CDK14: variants seen among roughly 807,000 people sequenced by gnomAD.
CDK14 encodes cyclin-dependent kinase 14.
A neutral mutation model predicts 60.7 loss-of-function variants in CDK14; 34 were observed. The observed-to-expected ratio is 0.56, with a 90% CI of 0.43 to 0.75. The LOEUF is 0.75. CDK14 is among the 30% of genes least tolerant of loss of function. CDK14 has a pLI of 0.00. For synonymous variants in CDK14, 197 were observed against 203.7 expected (o/e 0.97, Z 0.28); for missense variants, 482 against 564.1 (o/e 0.85, Z 1.47).
chr7:90,975,431 G>A (rs1476493039), intron 9 of CDK14, among the ~76,000 whole-genome samples: 1 of 151,516 alleles, frequency 6.6e-6, no homozygotes, highest in Non-Finnish European at 1.5e-5. Context: ...ATCAGATCAG[G>A]GTAATTAGCC....
In CDK14 at chr7:91,177,043, T is replaced by C. The variant is rs1259356868; in HGVS notation, c.*29-30122T>C. 2.7e-5 allele frequency among the ~76,000 whole-genome samples: 4 copies of C among 149,462 alleles called. No homozygotes were observed. In the East Asian group the frequency reaches 7.9e-4, roughly 30 times the overall value. On this transcript the variant is annotated intron_variant, in intron 14 of 14. Coordinates refer to ENST00000380050, the MANE Select transcript of CDK14 (RefSeq NM_001287135.2). ...TTAGACCAATATCCTTGATGAACAT[T>C]GATGCAAAAATCCTCAATAAAATAC... is the stretch of plus-strand genomic sequence containing the variant.
chr7:90,752,847 CAG>C (rs1480595181), intron 4 of CDK14, among the ~76,000 whole-genome samples: 2 of 152,034 alleles, frequency 1.3e-5, no homozygotes, highest in African/African-American at 4.8e-5. Flanking sequence ...AAAAGATTGT[CAG>C]AGACTATTAG....
intron 13 of CDK14, among the ~76,000 whole-genome samples, chr7:91,113,124 G>A (rs1348536902): frequency 6.6e-6 from 1 of 152,210 alleles, no homozygotes; most frequent in African/African-American, 2.4e-5. Flanking sequence ...ACTGGCTGCA[G>A]TACACAGAGG....
chr7:91,193,405 A>G (rs933990685), intron 14 of CDK14, among the ~76,000 whole-genome samples: 7 of 152,146 alleles, frequency 4.6e-5, no homozygotes, highest in Non-Finnish European at 1.0e-4. Context: ...AATTATCACA[A>G]TCTGAGTTCT....
At chr7:90,617,701 A>T (rs190619441) in intron 2 of CDK14, among the ~76,000 whole-genome samples, 4 of 152,328 alleles carry the variant, frequency 2.6e-5, no homozygotes, top group Admixed American at 2.0e-4. Flanking sequence ...TTTCAAGGTT[A>T]CGTTAAAACT....
chr7:90,832,212 C>G (rs544428816), intron 5 of CDK14, among the ~76,000 whole-genome samples: 1 of 152,084 alleles, frequency 6.6e-6, no homozygotes, highest in African/African-American at 2.4e-5. Flanking sequence ...TTTATTGTTA[C>G]AAATTTACTG....
chr7:90,721,581 C>G (rs1355525588), intron 2 of CDK14, among the ~76,000 whole-genome samples: 1 of 152,160 alleles, frequency 6.6e-6, no homozygotes. Flanking sequence ...TGGATGTTTC[C>G]TGGCTCTTTC....
At chr7:90,638,504 T>G (rs1472399050) in intron 2 of CDK14, among the ~76,000 whole-genome samples, 2 of 152,248 alleles carry the variant, frequency 1.3e-5, no homozygotes, top group African/African-American at 4.8e-5. Context: ...AGATCCGCTG[T>G]TAGTCTGATG....
chr7:90,625,986 T>C (rs956367716), intron 2 of CDK14, among the ~76,000 whole-genome samples: 1 of 152,264 alleles, frequency 6.6e-6, no homozygotes, highest in Admixed American at 6.5e-5. Context: ...CTTTTCCATT[T>C]TTCTTTGTAC....
chr7:90,696,266 T>G (rs1801654164), intron 2 of CDK14, among the ~76,000 whole-genome samples: 1 of 151,866 alleles, frequency 6.6e-6, no homozygotes, highest in Non-Finnish European at 1.5e-5. Flanking sequence ...TGGGGGAATA[T>G]CGGAAGGAGG....
At chr7:91,080,152 G>A (rs1407757987) in intron 12 of CDK14, among the ~76,000 whole-genome samples, 3 of 152,104 alleles carry the variant, frequency 2.0e-5, no homozygotes, top group Admixed American at 1.3e-4. Context: ...GTTTATGCTG[G>A]ATAAAAGACA....
At chr7:90,873,675 AAC>A (rs1239017123) in intron 6 of CDK14, among the ~76,000 whole-genome samples, 2 of 152,174 alleles carry the variant, frequency 1.3e-5, no homozygotes, top group Non-Finnish European at 2.9e-5. Flanking sequence ...CTTATGAAAA[AAC>A]AGCAGTTTTT....
chr7:90,809,458 A>G (rs544106879), intron 5 of CDK14, among the ~76,000 whole-genome samples: 100 of 152,286 alleles, frequency 6.6e-4, no homozygotes, highest in African/African-American at 2.1e-3. Flanking sequence ...AATCTCTGGG[A>G]CACATTCAAA....
At chr7:90,710,317 A>C in intron 2 of CDK14, 2 of 985,148 alleles carry the variant, frequency 2.0e-6, no homozygotes, top group Non-Finnish European at 2.4e-6. Flanking sequence ...GCTGAAAGAG[A>C]TCTTACATTT....
At chr7:90,797,754 A>G (rs1788490444) in intron 5 of CDK14, among the ~76,000 whole-genome samples, 1 of 151,954 alleles carries the variant, frequency 6.6e-6, no homozygotes, top group Non-Finnish European at 1.5e-5. Context: ...CAGGAGGAAT[A>G]GAGAGAGGGA....
chr7:91,140,681 G>A (rs1800428839), intron 14 of CDK14, among the ~76,000 whole-genome samples: 1 of 152,138 alleles, frequency 6.6e-6, no homozygotes, highest in African/African-American at 2.4e-5. Flanking sequence ...CTTAGCCTCA[G>A]TTTTTCCATC....
At chr7:91,146,600 C>T (rs574177749) in intron 14 of CDK14, among the ~76,000 whole-genome samples, 1 of 152,262 alleles carries the variant, frequency 6.6e-6, no homozygotes, top group Admixed American at 6.5e-5. Flanking sequence ...TATTTTAATA[C>T]GTATTCAATA....
chr7:90,969,054 C>G (rs1794843305), intron 9 of CDK14, among the ~76,000 whole-genome samples: 1 of 152,184 alleles, frequency 6.6e-6, no homozygotes, highest in South Asian at 2.1e-4. Context: ...AGTGGCCAGA[C>G]TGCAAAGCTA....
chr7:91,038,432 C>T (rs767974876), intron 10 of CDK14, among the ~76,000 whole-genome samples: 3 of 152,128 alleles, frequency 2.0e-5, no homozygotes, highest in Non-Finnish European at 4.4e-5. Context: ...AAGAAATAGA[C>T]GTTTATCAAA....
Sources: allele counts gnomAD v4.1 joint callset (sites outside exome capture counted in the v4.1 genomes callset), GRCh38; gene constraint gnomAD v4.1.1; transcripts MANE v1.5; gene names NCBI Gene and HGNC (gene_info 2026-07-23, HGNC 2026-07-21).